The following BCLAF3 variants were observed in gnomAD, a reference collection of about 807,000 sequenced individuals.
BCLAF3 encodes the protein transient octamer binding factor 1.
A neutral mutation model predicts 51.2 loss-of-function variants in BCLAF3; 24 were observed. That is an observed-to-expected ratio of 0.47 (90% confidence interval 0.34 to 0.66). The LOEUF (loss-of-function observed/expected upper bound fraction) is 0.66, where lower values mean the gene tolerates loss of function less well. BCLAF3 is among the 30% of genes least tolerant of loss of function. BCLAF3 has a pLI of 0.01. For missense variants in BCLAF3, 465 were observed against 525.1 expected (o/e 0.89, Z 1.12); for synonymous variants, 152 against 176.6 (o/e 0.86, Z 1.10).
intron 1 of BCLAF3, among the ~76,000 whole-genome samples, chrX:19,975,856 T>C (rs190350849): frequency 0.014 from 1,539 of 111,465 alleles, 9 homozygotes; most frequent in Middle Eastern, 0.018. Context: ...AATACTACAC[T>C]TTCTTGGTTT....
At chrX:19,965,959 C>T in intron 3 of BCLAF3, 121 bp downstream of exon 3, 1 of 700,671 alleles carries the variant, frequency 1.4e-6, no homozygotes, top group East Asian at 3.2e-5. Context: ...AATTAAATTA[C>T]AATGCTTTTT....
At position 19,950,871 on chromosome X, in the gene BCLAF3, G is replaced by A. The variant is rs777208573; in HGVS notation, c.1630-3C>T. The A allele has an allele frequency of 4.1e-5, 47 of 1,153,943 alleles. No individual in the cohort carries two copies. Among genetic ancestry groups the A allele is most frequent in the Non-Finnish European group, 5.3e-5 (45 of 844,217 alleles). On this transcript the variant is annotated splice_polypyrimidine_tract_variant and splice_region_variant and intron_variant, in intron 7 of 11. Transcript: ENST00000379682. ...GGATCTATTATTTTGATCAGAGTCTGAGGAATTTTGACAGAAGACAAACCA... is the reference window on the plus strand; with the variant it reads ...GGATCTATTATTTTGATCAGAGTCTAAGGAATTTTGACAGAAGACAAACCA...
chrX:19,982,553 AC>A lies in BCLAF3; in HGVS notation c.-35+8354del, dbSNP rs2072647849. Reference sequence around the variant, plus strand: ...TTTGATTACATAGATGCAATTTCACACACACACACACACACACACACACACA... The same window carrying A: ...TTTGATTACATAGATGCAATTTCACAACACACACACACACACACACACACA... On this transcript the variant is annotated intron_variant, in intron 1 of 11. Coordinates refer to ENST00000379682, the MANE Select transcript of BCLAF3 (RefSeq NM_001367774.2). 3.0e-3 allele frequency among the ~76,000 whole-genome samples: 164 copies of A among 55,395 alleles called. 1 individual carries two copies. In the African/African-American group the frequency reaches 0.066, roughly 22 times the overall value. The allele number at this position is 55,395 out of a possible 115,157, so 48.1% of individuals were successfully genotyped here. A position where few individuals can be genotyped will look rare whatever the true frequency, so the allele number is the denominator to read the frequency against.
intron 11 of BCLAF3, among the ~76,000 whole-genome samples, chrX:19,926,821 A>C (rs1464542345): frequency 1.8e-5 from 2 of 111,867 alleles, no homozygotes; most frequent in African/African-American, 6.5e-5. Flanking sequence ...TGCTGCAAAG[A>C]AACTTGCCAC....
rs1036826692 is a variant in BCLAF3 at position 19,918,789 on chromosome X, C to T, written c.2107-1455G>A. 2.7e-5 allele frequency among the ~76,000 whole-genome samples: 3 copies of T among 109,672 alleles called. No individual in the cohort carries two copies. The Admixed American group carries it at 3.0e-4, about 11-fold the overall frequency. ...TCCTGGCCTCAAGTGATCCACCCACCACAGCCTCCCAAAATGCTGGGATTA... is the reference window on the plus strand; with the variant it reads ...TCCTGGCCTCAAGTGATCCACCCACTACAGCCTCCCAAAATGCTGGGATTA... On this transcript the variant is annotated intron_variant, in intron 11 of 11. Transcript: ENST00000379682.
intron 7 of BCLAF3, among the ~76,000 whole-genome samples, chrX:19,951,955 A>G (rs185263019): frequency 0.014 from 1,519 of 111,767 alleles, 9 homozygotes; most frequent in Middle Eastern, 0.019. Context: ...CTCAGTCATA[A>G]AAGGTCATAG....
At chrX:19,928,945 A>G (rs2070450965) in intron 11 of BCLAF3, 1 of 111,968 alleles carries the variant, frequency 8.9e-6, no homozygotes, top group Non-Finnish European at 1.9e-5. Flanking sequence ...AGTTGGTCAA[A>G]GCATCAACAC....
chrX:19,935,389 ACG>A (rs1347461844), intron 10 of BCLAF3: 3 of 117,307 alleles, frequency 2.6e-5, no homozygotes, highest in African/African-American at 9.8e-5. Flanking sequence ...ATGATCCAGA[ACG>A]CCTCTAAGGG....
At chrX:19,929,699 T>G in intron 11 of BCLAF3, 86 bp downstream of exon 11, 1 of 977,626 alleles carries the variant, frequency 1.0e-6, no homozygotes, top group Non-Finnish European at 1.4e-6. Context: ...TAAAATTAAA[T>G]GAGAAACCAA....
At chrX:19,968,883 G>A (rs1273624560) in intron 2 of BCLAF3, among the ~76,000 whole-genome samples, 2 of 111,779 alleles carry the variant, frequency 1.8e-5, no homozygotes, top group Non-Finnish European at 3.8e-5. Flanking sequence ...GGAGGCCGAG[G>A]CGGGCGGATC....
At chrX:19,956,144 T>C (rs1429469733) in intron 4 of BCLAF3, among the ~76,000 whole-genome samples, 2 of 112,295 alleles carry the variant, frequency 1.8e-5, no homozygotes, top group Non-Finnish European at 3.8e-5. Flanking sequence ...AAAGTTATGA[T>C]TGTTAACACC....
At chrX:19,940,605 AT>A (rs1391567929) in intron 8 of BCLAF3, among the ~76,000 whole-genome samples, 1 of 110,183 alleles carries the variant, frequency 9.1e-6, no homozygotes, top group African/African-American at 3.3e-5. Flanking sequence ...TGAACTCATC[AT>A]TTTTTATGGC....
At chrX:19,919,374 G>A (rs994618500) in intron 11 of BCLAF3, among the ~76,000 whole-genome samples, 6 of 103,917 alleles carry the variant, frequency 5.8e-5, no homozygotes, top group Middle Eastern at 9.6e-3. Flanking sequence ...GTGAAACCCC[G>A]CCTCTACTAA....
intron 5 of BCLAF3, 199 bp from the exon 6 acceptor site, chrX:19,954,091 C>G: frequency 2.7e-6 from 2 of 754,127 alleles, no homozygotes; most frequent in Non-Finnish European, 3.1e-6. Flanking sequence ...GTAAAAACAC[C>G]TGATTTATTA....
chrX:19,952,599 C>G (rs1315200596), intron 7 of BCLAF3, among the ~76,000 whole-genome samples: 1 of 111,411 alleles, frequency 9.0e-6, no homozygotes, highest in Non-Finnish European at 1.9e-5. Context: ...TGAAATTTTT[C>G]GTTCCTGTGC....
At chrX:19,954,318 T>G in intron 5 of BCLAF3, 1 of 394,976 alleles carries the variant, frequency 2.5e-6, no homozygotes, top group African/African-American at 2.7e-5. Context: ...CTAAATGTTA[T>G]GTTTGCATAT....
intron 8 of BCLAF3, among the ~76,000 whole-genome samples, chrX:19,947,282 G>C (rs2071343682): frequency 8.9e-6 from 1 of 112,030 alleles, no homozygotes; most frequent in African/African-American, 3.2e-5. Context: ...GAAATTCTTG[G>C]CAGTTTGATG....
intron 4 of BCLAF3, among the ~76,000 whole-genome samples, chrX:19,963,854 A>C (rs2071947174): frequency 9.1e-6 from 1 of 110,127 alleles, no homozygotes; most frequent in Non-Finnish European, 1.9e-5. Flanking sequence ...TCTCTACAAA[A>C]AAAGAAAAAA....
chrX:19,954,986 G>C (rs777992880), intron 5 of BCLAF3, among the ~76,000 whole-genome samples: 47 of 112,319 alleles, frequency 4.2e-4, no homozygotes, highest in Non-Finnish European at 7.5e-4. Context: ...CAAAGTCCTA[G>C]TAATGCCCTC....
Sources: gnomAD v4.1 joint callset for allele counts (sites outside exome capture counted in the v4.1 genomes callset) on GRCh38, gnomAD v4.1.1 for gene constraint, MANE v1.5 for transcripts, NCBI Gene and HGNC (gene_info 2026-07-23, HGNC 2026-07-21) for gene names.